VPS13D: variants seen among roughly 807,000 people sequenced by gnomAD.
The protein encoded by VPS13D is vacuolar protein sorting 13 homolog D, also known as intermembrane lipid transfer protein VPS13D.
A neutral mutation model predicts 461.9 loss-of-function variants in VPS13D; 187 were observed. The observed-to-expected ratio is 0.40, with a 90% CI of 0.36 to 0.46. The LOEUF (loss-of-function observed/expected upper bound fraction) is 0.46, where lower values mean the gene tolerates loss of function less well. Ranked by LOEUF, VPS13D falls within the 20% of genes least tolerant of loss-of-function variation. VPS13D has a pLI of 0.60. For synonymous variants in VPS13D, 1,951 were observed against 1,986.3 expected (o/e 0.98, Z 0.47); for missense variants, 4,711 against 5,364.9 (o/e 0.88, Z 3.81).
chr1:12,304,390 C>A, intron 25 of VPS13D, 116 bp from the exon 26 acceptor site: 2 of 907,918 alleles, frequency 2.2e-6, no homozygotes, highest in Non-Finnish European at 3.3e-6. Flanking sequence ...ATTATAGAGT[C>A]TTTGAAGACC....
Position 12,510,796 on chromosome 1 carries a change from G to A in VPS13D, c.*1772G>A, listed in dbSNP as rs981166269. The A allele has an allele frequency of 6.6e-6, 1 of 152,194 alleles. No homozygotes were observed. Among genetic ancestry groups the A allele is most frequent in the Non-Finnish European group, 1.5e-5 (1 of 68,078 alleles). 9.4% of individuals were successfully genotyped at this position (152,194 alleles called of 1,614,324 possible). On this transcript the variant is annotated 3_prime_UTR_variant, in exon 70 of 70. Coordinates refer to ENST00000620676, the MANE Select transcript of VPS13D (RefSeq NM_015378.4). ...TCACGCACTGCACAAGATGGCAGCA[G>A]GATACAGCACTGCACAAGATGGCAG...
chr1:12,350,906 T>C (rs956717471), intron 46 of VPS13D, among the ~76,000 whole-genome samples: 2 of 151,858 alleles, frequency 1.3e-5, no homozygotes, highest in African/African-American at 4.8e-5. Context: ...GAAAAGGAGG[T>C]AAGAACAATT....
intron 68 of VPS13D, among the ~76,000 whole-genome samples, chr1:12,506,540 A>G (rs190467943): frequency 7.5e-4 from 114 of 151,850 alleles, no homozygotes; most frequent in Middle Eastern, 3.4e-3. Flanking sequence ...TCGCCCCTTC[A>G]TGTTTCCCTC....
intron 38 of VPS13D, 32 bp from the exon 39 acceptor site, chr1:12,335,673 T>C (rs771202334): frequency 1.9e-6 from 3 of 1,567,184 alleles, no homozygotes; most frequent in Non-Finnish European, 2.6e-6. Context: ...TCTTTTTTAG[T>C]TCTCTTAATA....
chr1:12,355,537 C>T (rs1229520431), intron 47 of VPS13D, among the ~76,000 whole-genome samples: 1 of 152,054 alleles, frequency 6.6e-6, no homozygotes, highest in East Asian at 1.9e-4. Context: ...TCACTGTACC[C>T]CCAAAATATG....
intron 67 of VPS13D, among the ~76,000 whole-genome samples, chr1:12,476,653 C>T (rs908588372): frequency 5.9e-5 from 9 of 152,184 alleles, no homozygotes; most frequent in African/African-American, 2.4e-5. Context: ...TTTAGCCTAC[C>T]TCTTTGTTGC....
At position 12,502,950 on chromosome 1, in the gene VPS13D, C is replaced by T. The variant is rs1038785352; in HGVS notation, c.12795-3903C>T. On this transcript the variant is annotated intron_variant, in intron 68 of 69. Coordinates refer to ENST00000620676, the MANE Select transcript of VPS13D (RefSeq NM_015378.4). This position sits in a 1 kb window ranked among gnomAD's most constrained non-coding sequence, Gnocchi z 4.3. ...TGCAGAGTAGACCCATGGGGTTCTACACATCAGGATGGGGAAGCTCTGGGC... is the reference window on the plus strand; with the variant it reads ...TGCAGAGTAGACCCATGGGGTTCTATACATCAGGATGGGGAAGCTCTGGGC... Among the ~76,000 whole-genome samples the T allele has an allele frequency of 6.6e-5, 10 of 152,130 alleles. No individual in the cohort carries two copies. The highest frequency in any genetic ancestry group is 1.5e-4 in the Non-Finnish European group (10 of 68,024).
chr1:12,342,204 TTAAA>T (rs1304924029), intron 41 of VPS13D, among the ~76,000 whole-genome samples: 1 of 152,206 alleles, frequency 6.6e-6, no homozygotes, highest in East Asian at 1.9e-4. Flanking sequence ...CTTTCCCATT[TTAAA>T]GAGCTATGTG....
intron 56 of VPS13D, among the ~76,000 whole-genome samples, chr1:12,378,983 CTT>C (rs757818239): frequency 6.6e-6 from 1 of 152,018 alleles, no homozygotes; most frequent in Non-Finnish European, 1.5e-5. Flanking sequence ...TGAATAAATC[CTT>C]GGATTCAAAT....
chr1:12,374,580 C>G (rs975881333), intron 55 of VPS13D, among the ~76,000 whole-genome samples: 4 of 152,046 alleles, frequency 2.6e-5, no homozygotes, highest in African/African-American at 9.7e-5. Flanking sequence ...TATAATCAGT[C>G]AAGATTTTGT....
intron 67 of VPS13D, among the ~76,000 whole-genome samples, chr1:12,476,452 G>A (rs1476299544): frequency 1.3e-5 from 2 of 152,220 alleles, no homozygotes; most frequent in African/African-American, 2.4e-5. Flanking sequence ...CACACTCAAC[G>A]CCTAATGGAG....
In VPS13D at chr1:12,276,148, G is replaced by A. The variant is rs781171613; in HGVS notation, c.2560G>A (p.Val854Ile). The A allele has an allele frequency of 5.0e-6, 8 of 1,614,032 alleles. No individual in the cohort carries two copies. The highest frequency in any genetic ancestry group is 2.2e-5 in the South Asian group (2 of 91,092). ...GPTHVVEKFN[V>I]HLQLERRLIY... is the part of the protein sequence containing the mutation. ...AACACATGTGGTAGAGAAGTTCAAC[G>A]TTCACCTACAGTTAGAGCGTCGATT... The change falls in exon 19 of 70, where the codon GTT becomes ATT. Residue 854 changes from valine to isoleucine, a missense_variant. Physicochemically the swap from Val to Ile is conservative, Grantham distance 29. Around this residue, in one of 3 missense-constraint regions of VPS13D, gnomAD observed 4,411 missense variants for 4,937.8 expected, o/e 0.89. Transcript: ENST00000620676. This position sits in a 1 kb window ranked among gnomAD's most constrained non-coding sequence, Gnocchi z 4.5.
At chr1:12,431,177 C>T (rs1297640568) in intron 65 of VPS13D, among the ~76,000 whole-genome samples, 1 of 152,140 alleles carries the variant, frequency 6.6e-6, no homozygotes, top group East Asian at 1.9e-4. Flanking sequence ...CTATTTAACC[C>T]CATCTTGTAT....
intron 65 of VPS13D, among the ~76,000 whole-genome samples, chr1:12,420,190 TAC>T (rs1209869129): frequency 8.5e-5 from 13 of 152,362 alleles, no homozygotes; most frequent in Admixed American, 5.9e-4. Context: ...ATCAGTTGAA[TAC>T]CCATTCAGGT....
At chr1:12,297,629 A>G (rs1642312371) in intron 24 of VPS13D, among the ~76,000 whole-genome samples, 1 of 152,162 alleles carries the variant, frequency 6.6e-6, no homozygotes, top group South Asian at 2.1e-4. Flanking sequence ...GATGCTTTGG[A>G]GTTTTCAAAG....
chr1:12,393,359 T>C (rs1644453004), intron 60 of VPS13D, among the ~76,000 whole-genome samples: 1 of 152,254 alleles, frequency 6.6e-6, no homozygotes, highest in African/African-American at 2.4e-5. Flanking sequence ...GGTATATTGC[T>C]AGCTTTGCCA....
intron 17 of VPS13D, among the ~76,000 whole-genome samples, chr1:12,271,647 C>A (rs1007877000): frequency 3.3e-5 from 5 of 151,578 alleles, no homozygotes; most frequent in Non-Finnish European, 7.4e-5. Flanking sequence ...CCAGCCTGGG[C>A]AACAGAGTGA....
At chr1:12,338,161 T>G in intron 39 of VPS13D, 70 bp from the exon 40 acceptor site, 1 of 1,377,040 alleles carries the variant, frequency 7.3e-7, no homozygotes, top group Non-Finnish European at 1.0e-6. Context: ...GTGCTTATCG[T>G]TTGGAAGCAA....
At chr1:12,457,297 C>T (rs1414611489) in intron 66 of VPS13D, among the ~76,000 whole-genome samples, 2 of 152,208 alleles carry the variant, frequency 1.3e-5, no homozygotes, top group Non-Finnish European at 2.9e-5. Flanking sequence ...GCTCTCCCTC[C>T]TCTGCCTCAT....
Sources: gnomAD v4.1 joint callset for allele counts (sites outside exome capture counted in the v4.1 genomes callset) on GRCh38, gnomAD v4.1.1 for gene constraint, gnomAD v4.1.1 regional missense constraint, Gnocchi (gnomAD v3.1) non-coding constraint, MANE v1.5 for transcripts, NCBI Gene and HGNC (gene_info 2026-07-23, HGNC 2026-07-21) for gene names.